COL6A1: variants seen among roughly 807,000 people sequenced by gnomAD.
The protein encoded by COL6A1 is collagen alpha-1(VI) chain.
In COL6A1, 80 loss-of-function variants were observed where a neutral mutation model predicts 145.6. The observed-to-expected ratio is 0.55, with a 90% CI of 0.46 to 0.66. The LOEUF (loss-of-function observed/expected upper bound fraction) is 0.66, where lower values mean the gene tolerates loss of function less well. COL6A1 is among the 30% of genes least tolerant of loss of function. The pLI, the probability that COL6A1 is intolerant of heterozygous loss-of-function variation, is 0.00. For synonymous variants in COL6A1, 638 were observed against 622.8 expected (o/e 1.02, Z -0.36); for missense variants, 1,364 against 1,473.8 (o/e 0.93, Z 1.22).
intron 3 of COL6A1, among the ~76,000 whole-genome samples, chr21:45,985,267 T>G (rs1178238129): frequency 1.6e-3 from 158 of 100,758 alleles, no homozygotes; most frequent in Middle Eastern, 0.018. Context: ...AATAGAGAGA[T>G]AGAGACAGAG....
rs781353163 is a variant in COL6A1, at chr21:45,982,618, C to T, written c.98-16C>T. The T allele has an allele frequency of 1.9e-6, 3 of 1,612,778 alleles. No homozygotes were observed. The highest frequency in any genetic ancestry group is 2.2e-5 in the South Asian group (2 of 91,084). ...GGGCGAGAGCTTGAAGGCCCCTCTCCTCCATCTTCGGCCAGACTGCCCCGT... is the reference window on the plus strand; with the variant it reads ...GGGCGAGAGCTTGAAGGCCCCTCTCTTCCATCTTCGGCCAGACTGCCCCGT... On this transcript the variant is annotated splice_polypyrimidine_tract_variant and intron_variant, in intron 1 of 34. Coordinates refer to ENST00000361866, the MANE Select transcript of COL6A1 (RefSeq NM_001848.3).
At position 45,997,774 on chromosome 21, in the gene COL6A1, A is replaced by G. The variant is rs1468717766; in HGVS notation, c.1524+12A>G. On this transcript the variant is annotated intron_variant, in intron 22 of 34. Transcript: ENST00000361866. ...TGATGGGTGAAAGGGTGAGTGTCCA[A>G]CAGCTCGGGCCCTAGGGCGGAGGCC... 6.3e-7 allele frequency: 1 copy of G among 1,579,886 alleles called. No individual in the cohort carries two copies. Among genetic ancestry groups the G allele is most frequent in the South Asian group, 1.2e-5 (1 of 86,694 alleles).
Position 45,992,606 on chromosome 21 carries a change from A to T in COL6A1, c.1273-142A>T. 2.9e-6 allele frequency: 3 copies of T among 1,049,012 alleles called. No individual in the cohort carries two copies. In the South Asian group the frequency reaches 4.6e-5, roughly 16 times the overall value. 65.0% of individuals were successfully genotyped at this position (1,049,012 alleles called of 1,614,324 possible). A position where few individuals can be genotyped will look rare whatever the true frequency, so the allele number is the denominator to read the frequency against. ...GGAACCAGGAGATTCCGGCCTCTGC[A>T]ACCGTGGGGCATGCGGTGGAGGGGT... On this transcript the variant is annotated intron_variant, in intron 18 of 34. Coordinates refer to ENST00000361866, the MANE Select transcript of COL6A1 (RefSeq NM_001848.3).
At position 46,004,048 on chromosome 21, in the gene COL6A1, C is replaced by T. The variant is rs762461606; in HGVS notation, c.*35C>T. ...CACGCCGGCACCAAACCCTGTCCTC[C>T]CACCCCTCCCCACTCATCACTAAAC... is the stretch of plus-strand genomic sequence containing the variant. On this transcript the variant is annotated 3_prime_UTR_variant, in exon 35 of 35. Transcript: ENST00000361866. The T allele has an allele frequency of 6.2e-7, 1 of 1,611,664 alleles. No homozygotes were observed. Among genetic ancestry groups the T allele is most frequent in the East Asian group, 2.2e-5 (1 of 44,862 alleles).
At chr21:45,989,364 G>A (rs1216101115) in intron 9 of COL6A1, among the ~76,000 whole-genome samples, 5 of 152,198 alleles carry the variant, frequency 3.3e-5, no homozygotes, top group Non-Finnish European at 7.4e-5. Context: ...TGGGGAGGTG[G>A]CCCAGGGTGC....
rs1194246077 is a variant in COL6A1 at position 45,981,944 on chromosome 21, C to T, written c.94C>T (p.Gln32Ter). ...EPETPRAVAF[Q>*]DCPVDLFFVL... ...GGAGACCCCGAGGGCCGTGGCCTTC[C>T]AGGGTGAGTGGTGGCTTGGGGTGCA... Residue 32 changes from glutamine to a stop codon, truncating the protein, a stop_gained, in exon 1 of 35, where the codon CAG becomes TAG. Coordinates refer to ENST00000361866, the MANE Select transcript of COL6A1 (RefSeq NM_001848.3). LOFTEE classifies it high-confidence loss of function. The T allele has an allele frequency of 3.4e-5, 54 of 1,605,580 alleles. No individual in the cohort carries two copies. The highest frequency in any genetic ancestry group is 4.5e-5 in the Non-Finnish European group (53 of 1,177,038).
At chr21:45,988,597 A>C (rs1383764605) in intron 8 of COL6A1, among the ~76,000 whole-genome samples, 1 of 152,122 alleles carries the variant, frequency 6.6e-6, no homozygotes, top group African/African-American at 2.4e-5. Flanking sequence ...CACTCTGTTC[A>C]GAAGGACCTT....
rs2077836580 is a variant in COL6A1, at chr21:46,000,380, G to A, written c.1813+13G>A. 2 of 1,613,912 alleles carry A rather than the reference G, an allele frequency of 1.2e-6. No homozygotes were observed. Among genetic ancestry groups the A allele is most frequent in the Non-Finnish European group, 1.7e-6 (2 of 1,179,858 alleles). The stretch of plus-strand genomic sequence containing the variant: ...ATGAAAATGTGCTGTGAGTATCTCT[G>A]AGAAGCCGTCCTCGTTAGGGAGAGC... On this transcript the variant is annotated intron_variant, in intron 28 of 34. Transcript: ENST00000361866.
Position 45,998,670 on chromosome 21 carries a change from C to T in COL6A1, c.1612-227C>T, listed in dbSNP as rs1011090852. ...GGGTCTCCTCACGGCCCTGACTGCC[C>T]GGTGACCGATCTCCCCTCGGTGCGC... On this transcript the variant is annotated intron_variant, in intron 24 of 34. Transcript: ENST00000361866. Among the ~76,000 whole-genome samples the T allele has an allele frequency of 5.3e-5, 8 of 152,296 alleles. No homozygotes were observed. In the South Asian group the frequency reaches 1.0e-3, roughly 20 times the overall value.
chr21:45,986,569 G>T lies in COL6A1; in HGVS notation c.472G>T (p.Asp158Tyr). ...KENKYLIVVT[D>Y]GHPLEGYKEP... Reference sequence around the variant, plus strand: ...GAATAAGTACCTGATTGTGGTGACCGACGGGCACCCCCTGGAGGGCTACAA... The same window carrying T: ...GAATAAGTACCTGATTGTGGTGACCTACGGGCACCCCCTGGAGGGCTACAA... Residue 158 changes from aspartate to tyrosine, a missense_variant, in exon 4 of 35, where the codon GAC becomes TAC. Asp to Tyr is a radical substitution (Grantham distance 160). This residue lies in a region of COL6A1 where 414 missense variants were observed against 437.6 expected (regional missense o/e 0.95). Transcript: ENST00000361866. The T allele has an allele frequency of 1.3e-6, 2 of 1,565,832 alleles. No individual in the cohort carries two copies. Among genetic ancestry groups the T allele is most frequent in the Non-Finnish European group, 8.7e-7 (1 of 1,155,372 alleles).
intron 8 of COL6A1, 66 bp downstream of exon 8, chr21:45,987,720 GC>G: frequency 6.5e-7 from 1 of 1,535,414 alleles, no homozygotes; most frequent in African/African-American, 1.4e-5. Flanking sequence ...CAGGACCAAA[GC>G]CTCCTGGGCA....
chr21:45,999,637 C>A lies in COL6A1; in HGVS notation c.1741-20C>A. The stretch of plus-strand genomic sequence containing the variant: ...TGGGCTCCTCACCCTCAGAGCTCCT[C>A]TACTCCGTTTCTCGGACAGGGACCC... On this transcript the variant is annotated intron_variant, in intron 26 of 34. Transcript: ENST00000361866. 6.2e-7 allele frequency: 1 copy of A among 1,613,148 alleles called. No homozygotes were observed. The highest frequency in any genetic ancestry group is 8.5e-7 in the Non-Finnish European group (1 of 1,179,826).
chr21:45,987,537 CCCCTGACCCCGCG>C lies in COL6A1; in HGVS notation c.759+24_759+36del. The C allele has an allele frequency of 6.2e-7, 1 of 1,612,860 alleles. No homozygotes were observed. Among genetic ancestry groups the C allele is most frequent in the East Asian group, 2.2e-5 (1 of 44,880 alleles). On this transcript the variant is annotated intron_variant, in intron 7 of 34. Coordinates refer to ENST00000361866, the MANE Select transcript of COL6A1 (RefSeq NM_001848.3). Reference sequence around the variant, plus strand: ...AATGCCAGGTGAGTGTGCCCCCCGACCCCTGACCCCGCGCCCTGCACCCTGGGAACCTGAGTCT... The same window carrying C: ...AATGCCAGGTGAGTGTGCCCCCCGACCCCTGCACCCTGGGAACCTGAGTCT...
chr21:45,986,999 C>A lies in COL6A1; in HGVS notation c.644C>A (p.Ala215Glu). 6.4e-7 allele frequency: 1 copy of A among 1,551,496 alleles called. No individual in the cohort carries two copies. Among genetic ancestry groups the A allele is most frequent in the Non-Finnish European group, 8.7e-7 (1 of 1,148,286 alleles). Residue 215 changes from alanine to glutamate, a missense_variant, in exon 5 of 35, where the codon GCG (alanine) becomes GAG (glutamate). Ala to Glu is a moderately radical substitution (Grantham distance 107, BLOSUM62 -1). Transcript: ENST00000361866. The part of the protein sequence containing the change: ...TDHTYRRNFT[A>E]ADWGQSRDAE... ...CACACGTACCGGCGCAACTTCACGGCGGCTGACTGGGGCCAGAGCCGCGAC... is the reference window on the plus strand; with the variant it reads ...CACACGTACCGGCGCAACTTCACGGAGGCTGACTGGGGCCAGAGCCGCGAC...
intron 3 of COL6A1, among the ~76,000 whole-genome samples, 154 bp from the exon 4 acceptor site, chr21:45,986,372 G>A (rs926397254): frequency 6.6e-6 from 1 of 152,156 alleles, no homozygotes; most frequent in Non-Finnish European, 1.5e-5. Context: ...CCATGGTGAG[G>A]TTCTTTTCAG....
rs398123629 is a variant in COL6A1 at position 45,990,464 on chromosome 21, GAATGGGGCGA to G, written c.1002+43_1002+52del. 123,878 of 1,121,076 alleles carry G rather than the reference GAATGGGGCGA, an allele frequency of 0.11. 33,378 individuals carry two copies. The highest frequency in any genetic ancestry group is 0.21 in the Middle Eastern group (996 of 4,696). The allele number at this position is 1,121,076 out of a possible 1,614,324, so 69.4% of individuals were successfully genotyped here. On this transcript the variant is annotated intron_variant, in intron 13 of 34. Coordinates refer to ENST00000361866, the MANE Select transcript of COL6A1 (RefSeq NM_001848.3). ...AGGATGGACGGGGAGGGACGAGGAG[GAATGGGGCGA>G]GATGGGGAGGGACGGAGTGGACGGC...
In COL6A1 at chr21:45,992,744, T is replaced by C. The variant is rs373909354; in HGVS notation, c.1273-4T>C. On this transcript the variant is annotated splice_polypyrimidine_tract_variant and splice_region_variant and intron_variant, in intron 18 of 34. Transcript: ENST00000361866. ...GCTTCTCCCCTCCATGTCTCTCCAC[T>C]CAGGGTGGCCCTGGAGAGAGAGGAC... 7.2e-5 allele frequency: 115 copies of C among 1,588,316 alleles called. No homozygotes were observed. The African/African-American group carries it at 1.4e-3, about 19-fold the overall frequency.
In COL6A1 at chr21:46,004,897, C is replaced by T; in HGVS notation, c.*884C>T. On this transcript the variant is annotated 3_prime_UTR_variant, in exon 35 of 35. Transcript: ENST00000361866. ...ACAGAGGGCTGTGTCTTACTAGAAACAACGCAAACCTCTCCTTCCTCAGAA... is the reference window on the plus strand; with the variant it reads ...ACAGAGGGCTGTGTCTTACTAGAAATAACGCAAACCTCTCCTTCCTCAGAA... 6.1e-6 allele frequency: 1 copy of T among 164,362 alleles called. No homozygotes were observed. The highest frequency in any genetic ancestry group is 1.2e-4 in the South Asian group (1 of 8,346). 10.2% of individuals were successfully genotyped at this position (164,362 alleles called of 1,614,324 possible).
At position 45,992,790 on chromosome 21, in the gene COL6A1, C is replaced by T. The variant is rs368239109; in HGVS notation, c.1315C>T (p.Arg439Trp). The T allele has an allele frequency of 2.2e-5, 35 of 1,601,072 alleles. No individual in the cohort carries two copies. Among genetic ancestry groups the T allele is most frequent in the African/African-American group, 1.6e-4 (12 of 74,928 alleles). Residue 439 changes from arginine (R) to tryptophan (W), a missense_variant, in exon 19 of 35, where the codon CGG (arginine) becomes TGG (tryptophan). Coordinates refer to ENST00000361866, the MANE Select transcript of COL6A1 (RefSeq NM_001848.3). The part of the protein sequence containing the change: ...ERGPRGTPGT[R>W]GPRGDPGEAG... ...AGGACCACGGGGGACCCCAGGCACG[C>T]GGGGACCAAGAGGAGACCCTGTGAG...
Sources: gnomAD v4.1 joint callset for allele counts (sites outside exome capture counted in the v4.1 genomes callset) on GRCh38, gnomAD v4.1.1 for gene constraint, gnomAD v4.1.1 regional missense constraint, MANE v1.5 for transcripts, NCBI Gene and HGNC (gene_info 2026-07-23, HGNC 2026-07-21) for gene names.